EFTUD2: variants seen among roughly 807,000 people sequenced by gnomAD.
EFTUD2 encodes the protein 116 kDa U5 small nuclear ribonucleoprotein component.
EFTUD2 carries 9 observed loss-of-function variants against 114.3 expected under a neutral mutation model. That is an observed-to-expected ratio of 0.08 (90% CI 0.05 to 0.14). EFTUD2 has a LOEUF of 0.14. EFTUD2 is among the 10% of genes least tolerant of loss of function. EFTUD2 has a pLI of 1.00. For missense variants in EFTUD2, 765 were observed against 1,241.2 expected, an observed-to-expected ratio of 0.62 and a Z score of 5.76; for synonymous variants, 449 against 462.3, an observed-to-expected ratio of 0.97 and a Z score of 0.37.
chr17:44,853,927 A>C, intron 23 of EFTUD2: 1 of 1,362,680 alleles, frequency 7.3e-7, no homozygotes, highest in Non-Finnish European at 9.4e-7. Context: ...TGTAGAATAA[A>C]TTCCAGAATT....
rs759613857 is a variant in EFTUD2, at chr17:44,862,846, C to T, written c.1474G>A (p.Ala492Thr). ...GTGCCACTCAGCACCCGGCCAAAGG[C>T]GTGAAACTGGACTCCATCATCTGTG... is the stretch of plus-strand genomic sequence containing the variant. ...YSTDDGVQFH[A>T]FGRVLSGTIH... Residue 492 changes from alanine to threonine, a missense_variant, in exon 16 of 28, where the codon GCC becomes ACC. Ala to Thr is a moderately conservative substitution (Grantham distance 58). Coordinates refer to ENST00000426333, the MANE Select transcript of EFTUD2 (RefSeq NM_004247.4). The T allele has an allele frequency of 3.1e-6, 5 of 1,614,046 alleles. No individual in the cohort carries two copies. Among genetic ancestry groups the T allele is most frequent in the Non-Finnish European group, 8.5e-7 (1 of 1,180,028 alleles).
chr17:44,850,537 G>C lies in EFTUD2; in HGVS notation c.*737C>G. 1.6e-6 allele frequency: 1 copy of C among 608,932 alleles called. No individual in the cohort carries two copies. The allele number at this position is 608,932 out of a possible 1,614,324, so 37.7% of individuals were successfully genotyped here. On this transcript the variant is annotated 3_prime_UTR_variant, in exon 28 of 28. Transcript: ENST00000426333. ...AAGGGACTGGTGGTAGCTGGGGAGA[G>C]GACTTGGAGTAAATGGCTGGAAATC...
chr17:44,879,428 A>G, intron 9 of EFTUD2, 128 bp downstream of exon 9: 1 of 912,332 alleles, frequency 1.1e-6, no homozygotes, highest in East Asian at 2.5e-5. Context: ...TTTAGAGCAA[A>G]TTTGAGCCTT....
Position 44,859,867 on chromosome 17 carries a change from T to G in EFTUD2, c.1860+38A>C, listed in dbSNP as rs770852258. On this transcript the variant is annotated intron_variant, in intron 18 of 27. Transcript: ENST00000426333. ...GCAGCTCTGCCCATTCAGCTGGGGATAGTGGGGCTTGGCGGCTGCTGCAGG... is the reference window on the plus strand; with the variant it reads ...GCAGCTCTGCCCATTCAGCTGGGGAGAGTGGGGCTTGGCGGCTGCTGCAGG... 2.5e-6 allele frequency: 4 copies of G among 1,613,144 alleles called. No individual in the cohort carries two copies. In the Admixed American group the frequency reaches 6.7e-5, roughly 27 times the overall value.
chr17:44,856,699 C>T (rs943874861), intron 20 of EFTUD2, among the ~76,000 whole-genome samples: 1 of 150,214 alleles, frequency 6.7e-6, no homozygotes, highest in African/African-American at 2.5e-5. Flanking sequence ...GCCCATAGTC[C>T]TAGCTGCTTG....
chr17:44,888,331 G>C (rs1037585054), intron 2 of EFTUD2, among the ~76,000 whole-genome samples: 1 of 152,152 alleles, frequency 6.6e-6, no homozygotes, highest in African/African-American at 2.4e-5. Context: ...AGAGGCCATG[G>C]ATGCTGCTAA....
In EFTUD2 at chr17:44,865,073, GGT is replaced by G. The variant is rs774653146; in HGVS notation, c.1150-10_1150-9del. 12 of 1,614,026 alleles carry G rather than the reference GGT, an allele frequency of 7.4e-6. No homozygotes were observed. In the East Asian group the frequency reaches 2.5e-4, roughly 33 times the overall value. ...GTCCACGTCACCTACAACCTGTGAG[GGT>G]GTAAGACACCATGTCAGCTGTAGTG... On this transcript the variant is annotated splice_polypyrimidine_tract_variant and intron_variant, in intron 13 of 27. Coordinates refer to ENST00000426333, the MANE Select transcript of EFTUD2 (RefSeq NM_004247.4).
In EFTUD2 at chr17:44,876,523, T is replaced by C. The variant is rs574709957; in HGVS notation, c.703-423A>G. Among the ~76,000 whole-genome samples, 3 of 152,250 alleles carry C rather than the reference T, an allele frequency of 2.0e-5. No individual in the cohort carries two copies. The South Asian group carries it at 6.2e-4, about 32-fold the overall frequency. On this transcript the variant is annotated intron_variant, in intron 9 of 27. Transcript: ENST00000426333. The stretch of plus-strand genomic sequence containing the variant: ...AGGGCCTAGAAGCAATGTACCCCAG[T>C]AGCAATGAGCACATCCAAACCTTTG...
intron 14 of EFTUD2, among the ~76,000 whole-genome samples, chr17:44,864,320 C>A (rs139647674): frequency 6.6e-6 from 1 of 152,158 alleles, no homozygotes; most frequent in South Asian, 2.1e-4. Flanking sequence ...ATTAAAACTA[C>A]GCACCTTGGG....
rs371427553 is a variant in EFTUD2 at position 44,850,424 on chromosome 17, A to G, written c.*850T>C. ...CTCCTATAGGAGCCGGGGCTGTCCA[A>G]CTCCCCTAACTCAATCCCTGGTACA... On this transcript the variant is annotated 3_prime_UTR_variant, in exon 28 of 28. Coordinates refer to ENST00000426333, the MANE Select transcript of EFTUD2 (RefSeq NM_004247.4). 24 of 1,521,456 alleles carry G rather than the reference A, an allele frequency of 1.6e-5. No individual in the cohort carries two copies. The highest frequency in any genetic ancestry group is 4.1e-5 in the African/African-American group (3 of 73,196). The allele number at this position is 1,521,456 out of a possible 1,614,324, so 94.2% of individuals were successfully genotyped here.
At chr17:44,890,275 C>A (rs1399256554) in intron 2 of EFTUD2, among the ~76,000 whole-genome samples, 10 of 151,918 alleles carry the variant, frequency 6.6e-5, no homozygotes, top group African/African-American at 2.4e-4. Context: ...CCACCTCAGC[C>A]TCCCAAAGTG....
In EFTUD2 at chr17:44,854,102, C is replaced by A; in HGVS notation, c.2347+167G>T. On this transcript the variant is annotated intron_variant, in intron 23 of 27. Coordinates refer to ENST00000426333, the MANE Select transcript of EFTUD2 (RefSeq NM_004247.4). The surrounding 1 kb of genome is among the most constrained non-coding windows in gnomAD (Gnocchi z 4.3). Reference sequence around the variant, plus strand: ...AATTTCCATTTCCAGGCTACACCACCAGGATAAGGAAGGAAAAGGGAAGAA... The same window carrying A: ...AATTTCCATTTCCAGGCTACACCACAAGGATAAGGAAGGAAAAGGGAAGAA... 1.4e-6 allele frequency: 2 copies of A among 1,433,060 alleles called. No individual in the cohort carries two copies. The highest frequency in any genetic ancestry group is 1.8e-6 in the Non-Finnish European group (2 of 1,090,082). The allele number at this position is 1,433,060 out of a possible 1,614,324, so 88.8% of individuals were successfully genotyped here.
intron 18 of EFTUD2, chr17:44,859,641 GCA>G (rs139421777): frequency 0.023 from 11,015 of 477,620 alleles, no homozygotes; most frequent in South Asian, 0.036. Flanking sequence ...ACACAAATAC[GCA>G]CACACACACA....
chr17:44,850,337 G>A lies in EFTUD2; in HGVS notation c.*937C>T. ...ATTTCTTTTCTCTCACACAGGTGCT[G>A]TGTACACAATGTACAGCGATTACGT... On this transcript the variant is annotated 3_prime_UTR_variant, in exon 28 of 28. Coordinates refer to ENST00000426333, the MANE Select transcript of EFTUD2 (RefSeq NM_004247.4). 1 of 1,612,282 alleles carries A rather than the reference G, an allele frequency of 6.2e-7. No homozygotes were observed. The highest frequency in any genetic ancestry group is 2.2e-5 in the East Asian group (1 of 44,872).
intron 2 of EFTUD2, among the ~76,000 whole-genome samples, chr17:44,887,681 T>C (rs980079904): frequency 6.6e-6 from 1 of 151,774 alleles, no homozygotes; most frequent in African/African-American, 2.4e-5. Flanking sequence ...AGGGTAGGTG[T>C]GGGTGGGAGG....
intron 2 of EFTUD2, among the ~76,000 whole-genome samples, chr17:44,892,990 A>G (rs1417541760): frequency 6.6e-6 from 1 of 152,198 alleles, no homozygotes; most frequent in East Asian, 1.9e-4. Flanking sequence ...AAAAAACTTC[A>G]AATGTCTTGC....
chr17:44,859,345 A>G (rs1449913760), intron 18 of EFTUD2, 164 bp from the exon 19 acceptor site: 4 of 638,508 alleles, frequency 6.3e-6, no homozygotes, highest in East Asian at 2.7e-5. Flanking sequence ...GCATCTGCCT[A>G]TGAGTGGGTC....
chr17:44,852,460 C>T lies in EFTUD2; in HGVS notation c.2664G>A (p.Arg888=), dbSNP rs376156789. Residue 888 remains arginine (R), a synonymous_variant, in exon 26 of 28, where the codon CGG becomes CGA. Coordinates refer to ENST00000426333, the MANE Select transcript of EFTUD2 (RefSeq NM_004247.4). ...AAAAGGCTTGTCCCTGGGTGTGAGTCCGGAGATCAGTCTCAAAGCCAAAAG... is the reference window on the plus strand; with the variant it reads ...AAAAGGCTTGTCCCTGGGTGTGAGTTCGGAGATCAGTCTCAAAGCCAAAAG... ...IDSFGFETDL[R]THTQGQAFSL... 1 of 1,614,020 alleles carries T rather than the reference C, an allele frequency of 6.2e-7. No homozygotes were observed. Among genetic ancestry groups the T allele is most frequent in the Admixed American group, 1.7e-5 (1 of 59,994 alleles).
rs9895173 is a variant in EFTUD2 at position 44,871,953 on chromosome 17, T to C, written c.994+493A>G. On this transcript the variant is annotated intron_variant, in intron 11 of 27. Coordinates refer to ENST00000426333, the MANE Select transcript of EFTUD2 (RefSeq NM_004247.4). ...CACAGTGGGAATCTGGTCTCAAGGATCTGGTGTTGAGGCTCCAGGAACCCA... is the reference window on the plus strand; with the variant it reads ...CACAGTGGGAATCTGGTCTCAAGGACCTGGTGTTGAGGCTCCAGGAACCCA... Among the ~76,000 whole-genome samples the C allele has an allele frequency of 6.6e-3, 1,006 of 152,230 alleles. 11 individuals are homozygous for C. Among genetic ancestry groups the C allele is most frequent in the African/African-American group, 0.023 (948 of 41,540 alleles).
Sources: gnomAD v4.1 joint callset for allele counts (sites outside exome capture counted in the v4.1 genomes callset) on GRCh38, gnomAD v4.1.1 for gene constraint, Gnocchi (gnomAD v3.1) non-coding constraint, MANE v1.5 for transcripts, NCBI Gene and HGNC (gene_info 2026-07-23, HGNC 2026-07-21) for gene names.